ATP9B: variants seen among roughly 807,000 people sequenced by gnomAD.
ATP9B encodes probable phospholipid-transporting ATPase IIB.
A neutral mutation model predicts 146.1 loss-of-function variants in ATP9B; 110 were observed. The observed-to-expected ratio is 0.75, with a 90% confidence interval of 0.65 to 0.88. The LOEUF (loss-of-function observed/expected upper bound fraction) is 0.88. Among genes scored for constraint, ATP9B ranks in the 40% least tolerant of loss-of-function variants. ATP9B has a pLI of 0.00. For missense variants in ATP9B, 1,499 were observed against 1,496.4 expected (o/e 1.00, Z -0.03); for synonymous variants, 604 against 569.7 (o/e 1.06, Z -0.86).
chr18:79,190,483 C>G (rs2095353505), intron 8 of ATP9B, among the ~76,000 whole-genome samples: 1 of 150,902 alleles, frequency 6.6e-6, no homozygotes, highest in Admixed American at 6.6e-5. Context: ...CTACACATAT[C>G]ATAAACTGTT....
rs777973901 is a variant in ATP9B at position 79,277,129 on chromosome 18, G to A, written c.1344G>A (p.Thr448=). The A allele has an allele frequency of 5.0e-6, 8 of 1,614,112 alleles. No homozygotes were observed. The highest frequency in any genetic ancestry group is 2.2e-5 in the East Asian group (1 of 44,900). The change falls in exon 13 of 30, where the codon ACG becomes ACA. Residue 448 remains threonine (T), a synonymous_variant. Transcript: ENST00000426216. ...MMMKDENIPG[T]VVRTSTIPEE... The stretch of plus-strand genomic sequence containing the variant: ...TGAAAGATGAGAACATCCCTGGCAC[G>A]GTCGTTCGGACCAGCACTATCCCAG...
intron 9 of ATP9B, among the ~76,000 whole-genome samples, chr18:79,203,438 AG>A (rs1302499015): frequency 6.6e-6 from 1 of 152,250 alleles, no homozygotes; most frequent in African/African-American, 2.4e-5. Flanking sequence ...AAGGAGACTC[AG>A]AGTAACCACA....
At chr18:79,080,171 C>A (rs1411317926) in intron 1 of ATP9B, among the ~76,000 whole-genome samples, 1 of 151,986 alleles carries the variant, frequency 6.6e-6, no homozygotes, top group Non-Finnish European at 1.5e-5. Context: ...TTTTCTAATT[C>A]TTTGAAGAAA....
At chr18:79,323,551 G>C (rs1166438257) in intron 15 of ATP9B, among the ~76,000 whole-genome samples, 1 of 152,150 alleles carries the variant, frequency 6.6e-6, no homozygotes, top group Non-Finnish European at 1.5e-5. Context: ...AGAATGAGAA[G>C]ACCCAGTGTT....
intron 4 of ATP9B, among the ~76,000 whole-genome samples, chr18:79,122,021 A>G (rs930536801): frequency 6.6e-6 from 1 of 152,136 alleles, no homozygotes; most frequent in Non-Finnish European, 1.5e-5. Context: ...AGGGGTGAAA[A>G]TTAGAGTCAC....
At chr18:79,187,709 G>T (rs1204525492) in intron 8 of ATP9B, among the ~76,000 whole-genome samples, 1 of 152,152 alleles carries the variant, frequency 6.6e-6, no homozygotes, top group African/African-American at 2.4e-5. Flanking sequence ...CTGAGAACAG[G>T]ATGCTCCCTT....
chr18:79,083,724 C>G (rs1022408170), intron 1 of ATP9B, among the ~76,000 whole-genome samples: 1 of 152,160 alleles, frequency 6.6e-6, no homozygotes, highest in African/African-American at 2.4e-5. Context: ...TCAGCTTGCC[C>G]TCCTTGGGCT....
intron 4 of ATP9B, among the ~76,000 whole-genome samples, chr18:79,124,932 G>T (rs1316407238): frequency 6.6e-6 from 1 of 152,166 alleles, no homozygotes; most frequent in African/African-American, 2.4e-5. Flanking sequence ...GGGGTGACTG[G>T]ATAAAGAGGG....
At chr18:79,190,896 T>G (rs984463660) in intron 8 of ATP9B, among the ~76,000 whole-genome samples, 6 of 151,662 alleles carry the variant, frequency 4.0e-5, no homozygotes, top group African/African-American at 7.3e-5. Flanking sequence ...GATTTGGGGG[T>G]TTTTTTTAAA....
chr18:79,203,974 C>G (rs2095511994), intron 9 of ATP9B, among the ~76,000 whole-genome samples: 1 of 152,124 alleles, frequency 6.6e-6, no homozygotes, highest in South Asian at 2.1e-4. Flanking sequence ...CAGTGCAATC[C>G]TAAATTCAAT....
intron 26 of ATP9B, among the ~76,000 whole-genome samples, chr18:79,370,564 A>G (rs1301645568): frequency 1.3e-5 from 2 of 152,334 alleles, no homozygotes; most frequent in East Asian, 1.9e-4. Context: ...ACCATCAAAT[A>G]TAACAGGATT....
chr18:79,178,373 T>C (rs1483746842), intron 8 of ATP9B, among the ~76,000 whole-genome samples: 1 of 152,188 alleles, frequency 6.6e-6, no homozygotes, highest in African/African-American at 2.4e-5. Context: ...AGTTTGCGTT[T>C]CTGTGATGGC....
intron 20 of ATP9B, chr18:79,343,869 G>C (rs947672818): frequency 3.7e-6 from 1 of 270,558 alleles, no homozygotes; most frequent in African/African-American, 2.3e-5. Flanking sequence ...GGAATTACAA[G>C]AAAATTCTTA....
chr18:79,070,838 T>C (rs954290545), intron 1 of ATP9B, among the ~76,000 whole-genome samples: 6 of 152,146 alleles, frequency 3.9e-5, no homozygotes, highest in African/African-American at 1.4e-4. Context: ...TTTGGATTAA[T>C]GTTTGCATGG....
chr18:79,274,239 A>G (rs909966453), intron 12 of ATP9B, among the ~76,000 whole-genome samples: 2 of 152,212 alleles, frequency 1.3e-5, no homozygotes, highest in East Asian at 1.9e-4. Context: ...TTAAAATTCT[A>G]TAAAATTAGA....
chr18:79,166,230 A>G (rs1337199504), intron 7 of ATP9B, among the ~76,000 whole-genome samples: 2 of 152,196 alleles, frequency 1.3e-5, no homozygotes, highest in Non-Finnish European at 2.9e-5. Flanking sequence ...TTCAGAGGGC[A>G]GAAACAGCAA....
At chr18:79,195,440 C>G (rs2095409343) in intron 9 of ATP9B, among the ~76,000 whole-genome samples, 1 of 151,922 alleles carries the variant, frequency 6.6e-6, no homozygotes. Context: ...CAGAAGAAAA[C>G]ATAAGTGGGA....
At chr18:79,149,154 T>G (rs557609703) in intron 6 of ATP9B, among the ~76,000 whole-genome samples, 5 of 152,340 alleles carry the variant, frequency 3.3e-5, no homozygotes, top group African/African-American at 1.2e-4. Context: ...TTCTTATTTT[T>G]AAAGACATAG....
intron 2 of ATP9B, 126 bp from the exon 3 acceptor site, chr18:79,110,229 T>G (rs1403139044): frequency 1.2e-5 from 10 of 833,194 alleles, no homozygotes; most frequent in Non-Finnish European, 5.0e-6. Context: ...AAATTAGCAT[T>G]AGGTGTGCTA....
Sources: allele counts gnomAD v4.1 joint callset (sites outside exome capture counted in the v4.1 genomes callset), GRCh38; gene constraint gnomAD v4.1.1; transcripts MANE v1.5; gene names NCBI Gene and HGNC (gene_info 2026-07-23, HGNC 2026-07-21).